Variants in DTX1 observed in about 807,000 individuals in gnomAD.
The protein encoded by DTX1 is E3 ubiquitin-protein ligase DTX1.
DTX1 carries 26 observed loss-of-function variants against 57.8 expected under a neutral mutation model. The observed-to-expected ratio is 0.45, with a 90% CI of 0.33 to 0.62. The LOEUF (loss-of-function observed/expected upper bound fraction) is 0.62. DTX1 is among the 20% of genes least tolerant of loss of function. The pLI is 0.02. For missense variants in DTX1, 704 were observed against 895.3 expected, an observed-to-expected ratio of 0.79 and a Z score of 2.73; for synonymous variants, 398 against 394.1, an observed-to-expected ratio of 1.01 and a Z score of -0.12.
At chr12:113,096,678 A>ACCT (rs767154437) in intron 9 of DTX1, 37 bp from the exon 10 acceptor site, 1 of 1,568,400 alleles carries the variant, frequency 6.4e-7, no homozygotes, top group Non-Finnish European at 8.6e-7. Flanking sequence ...GCTGCCTGTG[A>ACCT]CCTCCTCCCG....
chr12:113,097,046 C>T lies in DTX1; in HGVS notation c.*107C>T, dbSNP rs901682405. 21 of 1,254,698 alleles carry T rather than the reference C, an allele frequency of 1.7e-5. No homozygotes were observed. The highest frequency in any genetic ancestry group is 1.2e-4 in the South Asian group (8 of 65,568). 77.7% of individuals were successfully genotyped at this position (1,254,698 alleles called of 1,614,324 possible). On this transcript the variant is annotated 3_prime_UTR_variant, in exon 10 of 10. Coordinates refer to ENST00000548759, the MANE Select transcript of DTX1 (RefSeq NM_004416.3). Reference sequence around the variant, plus strand: ...AGGTTCAGGGCTGGGGAGGAGCCTGCGGAAGGGGCCGCAGCCATTCAGGGG... The same window carrying T: ...AGGTTCAGGGCTGGGGAGGAGCCTGTGGAAGGGGCCGCAGCCATTCAGGGG...
chr12:113,085,024 A>G (rs1033549978), intron 3 of DTX1, among the ~76,000 whole-genome samples: 1 of 150,756 alleles, frequency 6.6e-6, no homozygotes, highest in Non-Finnish European at 1.5e-5. Flanking sequence ...GCCAGATGTC[A>G]AAGCACTTGG....
At position 113,077,393 on chromosome 12, in the gene DTX1, T is replaced by C; in HGVS notation, c.260-31T>C. The C allele has an allele frequency of 6.4e-7, 1 of 1,569,670 alleles. No individual in the cohort carries two copies. Among genetic ancestry groups the C allele is most frequent in the East Asian group, 2.2e-5 (1 of 44,596 alleles). On this transcript the variant is annotated intron_variant, in intron 2 of 9. Transcript: ENST00000548759. This position sits in a 1 kb window ranked among gnomAD's most constrained non-coding sequence, Gnocchi z 7.8. ...CAGCCGCGCAGACCAACGCCCGCTG[T>C]GCTGACGCCTCCTCCCCATTTCGAG...
chr12:113,097,304 C>T lies in DTX1; in HGVS notation c.*365C>T. ...GAGACAGAAAGACCCCATGACCCCC[C>T]CATGTGGATCCCCATCTGTGTCTCA... On this transcript the variant is annotated 3_prime_UTR_variant, in exon 10 of 10. Transcript: ENST00000548759. The T allele has an allele frequency of 4.3e-6, 1 of 230,620 alleles. No homozygotes were observed. Among genetic ancestry groups the T allele is most frequent in the Non-Finnish European group, 8.4e-6 (1 of 118,758 alleles). 14.3% of individuals were successfully genotyped at this position (230,620 alleles called of 1,614,324 possible). A position where few individuals can be genotyped will look rare whatever the true frequency, so the allele number is the denominator to read the frequency against.
chr12:113,093,758 C>T lies in DTX1; in HGVS notation c.1165+58C>T. The T allele has an allele frequency of 6.3e-7, 1 of 1,594,484 alleles. No individual in the cohort carries two copies. Among genetic ancestry groups the T allele is most frequent in the East Asian group, 2.2e-5 (1 of 44,468 alleles). ...GAACCCCACTAAGCCTTGACCACAA[C>T]TCTGTGACCCCTGGTCTCCAACTTA... On this transcript the variant is annotated intron_variant, in intron 5 of 9. Coordinates refer to ENST00000548759, the MANE Select transcript of DTX1 (RefSeq NM_004416.3). This position sits in a 1 kb window ranked among gnomAD's most constrained non-coding sequence, Gnocchi z 4.2.
intron 3 of DTX1, among the ~76,000 whole-genome samples, chr12:113,081,364 A>G (rs560752269): frequency 1.3e-5 from 2 of 152,306 alleles, no homozygotes; most frequent in Admixed American, 6.5e-5. Context: ...TTTGAAAGCT[A>G]CTGTTCTAGA....
At chr12:113,076,486 G>A (rs917022103) in intron 2 of DTX1, among the ~76,000 whole-genome samples, 19 of 149,154 alleles carry the variant, frequency 1.3e-4, no homozygotes, top group Middle Eastern at 3.6e-3. Flanking sequence ...AAGTGGGGCC[G>A]GTCATGGTGG....
At chr12:113,065,885 G>A (rs1322048043) in intron 2 of DTX1, among the ~76,000 whole-genome samples, 1 of 152,130 alleles carries the variant, frequency 6.6e-6, no homozygotes, top group Non-Finnish European at 1.5e-5. Context: ...TGGGGTTGAG[G>A]TCCCTAACTC....
At chr12:113,087,808 G>T (rs1016164308) in intron 3 of DTX1, among the ~76,000 whole-genome samples, 1 of 152,032 alleles carries the variant, frequency 6.6e-6, no homozygotes, top group African/African-American at 2.4e-5. Flanking sequence ...GTCTAGGCCT[G>T]CTGGGGGTGG....
chr12:113,097,042 C>A lies in DTX1; in HGVS notation c.*103C>A. 1 of 1,321,028 alleles carries A rather than the reference C, an allele frequency of 7.6e-7. No homozygotes were observed. The highest frequency in any genetic ancestry group is 1.0e-6 in the Non-Finnish European group (1 of 984,832). The allele number at this position is 1,321,028 out of a possible 1,614,324, so 81.8% of individuals were successfully genotyped here. ...GCCCAGGTTCAGGGCTGGGGAGGAGCCTGCGGAAGGGGCCGCAGCCATTCA... is the reference window on the plus strand; with the variant it reads ...GCCCAGGTTCAGGGCTGGGGAGGAGACTGCGGAAGGGGCCGCAGCCATTCA... On this transcript the variant is annotated 3_prime_UTR_variant, in exon 10 of 10. Coordinates refer to ENST00000548759, the MANE Select transcript of DTX1 (RefSeq NM_004416.3).
intron 2 of DTX1, among the ~76,000 whole-genome samples, chr12:113,072,525 G>T (rs1477959214): frequency 6.6e-6 from 1 of 151,988 alleles, no homozygotes; most frequent in African/African-American, 2.4e-5. Context: ...TGTATTCATT[G>T]AGTGCTTACT....
In DTX1 at chr12:113,093,172, C is replaced by T. The variant is rs896098862; in HGVS notation, c.952C>T (p.Leu318Phe). 4.4e-6 allele frequency: 7 copies of T among 1,599,220 alleles called. No homozygotes were observed. Among genetic ancestry groups the T allele is most frequent in the Non-Finnish European group, 6.0e-6 (7 of 1,173,250 alleles). ...CTCTTCTCCCCGCAGGGTCCCCGCA[C>T]TCCCGGTGAAGAACTTGAATGGTAC... ...RASIPPGVPA[L>F]PVKNLNGTGP... The change falls in exon 4 of 10, where the codon CTC becomes TTC. Residue 318 changes from leucine (L) to phenylalanine (F), a missense_variant. Physicochemically the swap from Leu to Phe is conservative, Grantham distance 22. Around this residue, in one of 3 missense-constraint regions of DTX1, gnomAD observed 299 missense variants for 311.2 expected, o/e 0.96. Transcript: ENST00000548759. This position sits in a 1 kb window ranked among gnomAD's most constrained non-coding sequence, Gnocchi z 4.2.
rs555032927 is a variant in DTX1, at chr12:113,072,729, A to G, written c.260-4695A>G. On this transcript the variant is annotated intron_variant, in intron 2 of 9. Transcript: ENST00000548759. ...TTTTTTTTTTTTTTTTTTGAGACAG[A>G]GTCTTGCTTTGTCGCCCAGGCTGGA... is the stretch of plus-strand genomic sequence containing the variant. Among the ~76,000 whole-genome samples, 36 of 116,196 alleles carry G rather than the reference A, an allele frequency of 3.1e-4. No individual in the cohort carries two copies. In the South Asian group the frequency reaches 5.3e-3, roughly 17 times the overall value. 76.2% of individuals were successfully genotyped at this position (116,196 alleles called of 152,430 possible).
chr12:113,078,126 AG>A, intron 3 of DTX1, 21 bp downstream of exon 3: 3 of 1,327,476 alleles, frequency 2.3e-6, no homozygotes, highest in Non-Finnish European at 2.9e-6. Context: ...GCCCAGGGGG[AG>A]GGGGCCTCTG....
At chr12:113,074,068 G>T (rs1732800) in intron 2 of DTX1, among the ~76,000 whole-genome samples, 100,302 of 151,652 alleles carry the variant, frequency 0.66, 34,354 homozygotes, top group Middle Eastern at 0.8. Flanking sequence ...CCGTCTCTAC[G>T]AAAAATACAA....
At chr12:113,086,727 A>T (rs139652234) in intron 3 of DTX1, among the ~76,000 whole-genome samples, 7 of 151,866 alleles carry the variant, frequency 4.6e-5, no homozygotes, top group African/African-American at 1.7e-4. Context: ...CTTTCTCCAG[A>T]TCTTCCATAA....
At chr12:113,094,121 TGGGGGAGGGCCCTGGCATGGAGGGGGCA>T in intron 6 of DTX1, 22 bp downstream of exon 6, 1 of 443,344 alleles carries the variant, frequency 2.3e-6, no homozygotes, top group Non-Finnish European at 4.2e-6. Context: ...ATGGGGGGGC[TGGGGGAGGGCCCTGGCATGGAGGGGGCA>T]GGAACCCTCA....
chr12:113,068,224 A>T (rs1255650025), intron 2 of DTX1, among the ~76,000 whole-genome samples: 1 of 152,260 alleles, frequency 6.6e-6, no homozygotes, highest in Non-Finnish European at 1.5e-5. Context: ...TTTTGCAAGG[A>T]CCTACCTCCC....
chr12:113,068,800 A>G (rs1266893879), intron 2 of DTX1, among the ~76,000 whole-genome samples: 1 of 152,220 alleles, frequency 6.6e-6, no homozygotes, highest in Non-Finnish European at 1.5e-5. Flanking sequence ...ACACTGGGAC[A>G]TGGGGAGGAG....
Sources: gnomAD v4.1 joint callset for allele counts (sites outside exome capture counted in the v4.1 genomes callset) on GRCh38, gnomAD v4.1.1 for gene constraint, gnomAD v4.1.1 regional missense constraint, Gnocchi (gnomAD v3.1) non-coding constraint, MANE v1.5 for transcripts, NCBI Gene and HGNC (gene_info 2026-07-23, HGNC 2026-07-21) for gene names.